NARS2: variants seen among roughly 807,000 people sequenced by gnomAD.
NARS2 encodes the protein asparaginyl-tRNA synthetase 2, mitochondrial.
Under a neutral mutation model 62.9 loss-of-function variants are expected in NARS2, and 60 were observed. That is an observed-to-expected ratio of 0.95 (90% CI 0.77 to 1.18). NARS2 has a LOEUF of 1.18. Among genes scored for constraint, NARS2 ranks in the 50% most tolerant of loss-of-function variants. The pLI is 0.00. For missense variants in NARS2, 619 were observed against 576.4 expected (o/e 1.07, Z -0.76); for synonymous variants, 196 against 200.0 (o/e 0.98, Z 0.17).
At chr11:78,441,556 C>A (rs1857577080) in intron 12 of NARS2, among the ~76,000 whole-genome samples, 2 of 151,776 alleles carry the variant, frequency 1.3e-5, no homozygotes, top group South Asian at 4.2e-4. Flanking sequence ...ACTAAAAATA[C>A]AAAAATTAGC....
chr11:78,551,402 TGGA>T (rs1856105993), intron 5 of NARS2, among the ~76,000 whole-genome samples: 1 of 152,158 alleles, frequency 6.6e-6, no homozygotes, highest in African/African-American at 2.4e-5. Context: ...TATCTAAATA[TGGA>T]ATTGGTACAG....
chr11:78,491,972 T>C (rs1027175955), intron 7 of NARS2, among the ~76,000 whole-genome samples: 4 of 152,036 alleles, frequency 2.6e-5, no homozygotes, highest in Admixed American at 2.6e-4. Flanking sequence ...AAACATCCCA[T>C]AATTACAAAT....
At chr11:78,495,595 T>C (rs923274283) in intron 6 of NARS2, among the ~76,000 whole-genome samples, 1 of 152,298 alleles carries the variant, frequency 6.6e-6, no homozygotes, top group South Asian at 2.1e-4. Context: ...CAGGTGCTCA[T>C]GCTGAATGAA....
At chr11:78,510,434 A>G (rs565706302) in intron 6 of NARS2, among the ~76,000 whole-genome samples, 21 of 152,342 alleles carry the variant, frequency 1.4e-4, no homozygotes, top group Non-Finnish European at 2.5e-4. Flanking sequence ...AACAGTTATA[A>G]ATACTTACAT....
At chr11:78,516,298 C>A (rs754479825) in intron 6 of NARS2, among the ~76,000 whole-genome samples, 89 of 152,290 alleles carry the variant, frequency 5.8e-4, no homozygotes, top group African/African-American at 1.9e-3. Flanking sequence ...GAAAGAGCTA[C>A]ATTAACTGGA....
chr11:78,527,821 C>G (rs1263124429), intron 6 of NARS2, among the ~76,000 whole-genome samples: 1 of 152,008 alleles, frequency 6.6e-6, no homozygotes, highest in Non-Finnish European at 1.5e-5. Context: ...AACAAATTAC[C>G]CCCAGAGGCC....
chr11:78,520,086 G>T (rs1448866628), intron 6 of NARS2, among the ~76,000 whole-genome samples: 2 of 151,918 alleles, frequency 1.3e-5, no homozygotes, highest in East Asian at 3.8e-4. Flanking sequence ...AATAATTCAC[G>T]ACTCATATAC....
At chr11:78,545,185 A>G (rs1855814051) in intron 5 of NARS2, among the ~76,000 whole-genome samples, 1 of 152,228 alleles carries the variant, frequency 6.6e-6, no homozygotes, top group South Asian at 2.1e-4. Context: ...TAAGTGTATA[A>G]AAAGTTTATA....
At chr11:78,505,193 G>A (rs527659627) in intron 6 of NARS2, among the ~76,000 whole-genome samples, 1 of 151,604 alleles carries the variant, frequency 6.6e-6, no homozygotes, top group South Asian at 2.1e-4. Flanking sequence ...ACTGAGGAGG[G>A]AGGATCACTT....
At chr11:78,559,234 C>T (rs1193921753) in intron 5 of NARS2, among the ~76,000 whole-genome samples, 10 of 122,466 alleles carry the variant, frequency 8.2e-5, no homozygotes, top group African/African-American at 2.8e-4. Flanking sequence ...ACCCTAGAGG[C>T]GGAGGTTGCA....
intron 7 of NARS2, among the ~76,000 whole-genome samples, chr11:78,488,749 A>T (rs546952490): frequency 6.6e-6 from 1 of 152,332 alleles, no homozygotes; most frequent in African/African-American, 2.4e-5. Flanking sequence ...AGTGTTAAAA[A>T]AGTAGAATAC....
intron 7 of NARS2, among the ~76,000 whole-genome samples, chr11:78,481,697 C>G (rs575367701): frequency 2.0e-5 from 3 of 152,140 alleles, no homozygotes; most frequent in Non-Finnish European, 4.4e-5. Flanking sequence ...GTTAGTTGTA[C>G]TATAACAGCA....
At chr11:78,478,893 T>C (rs1859226568) in intron 7 of NARS2, among the ~76,000 whole-genome samples, 1 of 152,184 alleles carries the variant, frequency 6.6e-6, no homozygotes, top group Non-Finnish European at 1.5e-5. Context: ...AAGGAAATGT[T>C]TTAATCTTAT....
intron 3 of NARS2, 91 bp from the exon 4 acceptor site, chr11:78,566,363 G>T: frequency 2.0e-6 from 2 of 1,003,942 alleles, no homozygotes; most frequent in Non-Finnish European, 1.4e-6. Flanking sequence ...TAGCGCTTTG[G>T]AACCAAACTA....
rs770592449 is a variant in NARS2 at position 78,504,434 on chromosome 11, G to GTTTGGTTT, written c.690-11240_690-11239insAAACCAAA. 4.1e-4 allele frequency among the ~76,000 whole-genome samples: 25 copies of GTTTGGTTT among 61,410 alleles called. 3 individuals are homozygous for GTTTGGTTT. The highest frequency in any genetic ancestry group is 7.3e-4 in the Non-Finnish European group (14 of 19,108). 40.3% of individuals were successfully genotyped at this position (61,410 alleles called of 152,430 possible). Reference sequence around the variant, plus strand: ...ACCTGTTTCATGTGGCAAAACACCAGTTTTTTTTTTTTTTTTTTTTTTCTG... The same window carrying GTTTGGTTT: ...ACCTGTTTCATGTGGCAAAACACCAGTTTGGTTTTTTTTTTTTTTTTTTTTTTTTTCTG... On this transcript the variant is annotated intron_variant, in intron 6 of 13. Coordinates refer to ENST00000281038, the MANE Select transcript of NARS2 (RefSeq NM_024678.6).
At chr11:78,491,860 T>C (rs543196477) in intron 7 of NARS2, among the ~76,000 whole-genome samples, 17 of 152,296 alleles carry the variant, frequency 1.1e-4, no homozygotes, top group Non-Finnish European at 1.0e-4. Context: ...ATTTGTGATA[T>C]ATATGGTATT....
chr11:78,549,550 A>G (rs541452136), intron 5 of NARS2, among the ~76,000 whole-genome samples: 14 of 152,332 alleles, frequency 9.2e-5, no homozygotes, highest in African/African-American at 3.4e-4. Context: ...AGTATGCTGG[A>G]AAGAAACAGA....
intron 6 of NARS2, among the ~76,000 whole-genome samples, chr11:78,525,732 T>TA (rs964452632): frequency 9.9e-5 from 15 of 151,802 alleles, no homozygotes; most frequent in African/African-American, 3.6e-4. Flanking sequence ...TTCCAAAAAT[T>TA]AGAGTAAGAA....
chr11:78,485,901 T>A (rs878989741), intron 7 of NARS2, among the ~76,000 whole-genome samples: 1 of 152,028 alleles, frequency 6.6e-6, no homozygotes, highest in Non-Finnish European at 1.5e-5. Context: ...TGAGACGGAG[T>A]CTTGCTCTTG....
Sources: allele counts gnomAD v4.1 joint callset (sites outside exome capture counted in the v4.1 genomes callset), GRCh38; gene constraint gnomAD v4.1.1; transcripts MANE v1.5; gene names NCBI Gene and HGNC (gene_info 2026-07-23, HGNC 2026-07-21).